Variants in VCP observed in about 807,000 individuals in gnomAD.
VCP encodes the protein valosin containing protein, also known as transitional endoplasmic reticulum ATPase.
A neutral mutation model predicts 85.7 loss-of-function variants in VCP; 6 were observed. That is an observed-to-expected ratio of 0.07 (90% confidence interval 0.04 to 0.14). The LOEUF (loss-of-function observed/expected upper bound fraction) is 0.14. Ranked by LOEUF, VCP falls within the 10% of genes least tolerant of loss-of-function variation. VCP has a pLI of 1.00. For missense variants in VCP, 353 were observed against 1,043.4 expected, an observed-to-expected ratio of 0.34 and a Z score of 9.12; for synonymous variants, 384 against 367.1, an observed-to-expected ratio of 1.05 and a Z score of -0.53.
At chr9:35,067,064 AG>A (rs1355209921) in intron 3 of VCP, among the ~76,000 whole-genome samples, 1 of 152,250 alleles carries the variant, frequency 6.6e-6, no homozygotes, top group Non-Finnish European at 1.5e-5. Flanking sequence ...CAGGGTCTTC[AG>A]GGAGATATCC....
chr9:35,060,193 G>A (rs1828694481), intron 13 of VCP, 120 bp downstream of exon 13: 1 of 1,052,428 alleles, frequency 9.5e-7, no homozygotes, highest in Admixed American at 2.1e-5. Context: ...AGAAAATCAA[G>A]TGACTTACTG....
intron 4 of VCP, among the ~76,000 whole-genome samples, chr9:35,066,135 AG>A (rs1476779098): frequency 3.9e-5 from 6 of 152,090 alleles, no homozygotes; most frequent in African/African-American, 9.6e-5. Flanking sequence ...CAAAAAAAAA[AG>A]AAAAGAAAAT....
chr9:35,059,873 C>A lies in VCP; in HGVS notation c.1696-72G>T. 1 of 1,599,932 alleles carries A rather than the reference C, an allele frequency of 6.3e-7. No individual in the cohort carries two copies. Among genetic ancestry groups the A allele is most frequent in the Non-Finnish European group, 8.6e-7 (1 of 1,169,128 alleles). On this transcript the variant is annotated intron_variant, in intron 13 of 16. Transcript: ENST00000358901. This position sits in a 1 kb window ranked among gnomAD's most constrained non-coding sequence, Gnocchi z 4.9. ...TCTAGGCAAACGTGGTGGCTCACAC[C>A]TGTATTCCCAGCACTTTGGGAGGCC...
chr9:35,062,145 G>A lies in VCP; in HGVS notation c.946-7C>T, dbSNP rs778663878. On this transcript the variant is annotated splice_polypyrimidine_tract_variant and splice_region_variant and intron_variant, in intron 8 of 16. Transcript: ENST00000358901. ...GCTCCACCTCGCCATGAGTCTGCCA[G>A]AACAGGATGTCTGGTCAGAAGTGAA... 1 of 1,614,030 alleles carries A rather than the reference G, an allele frequency of 6.2e-7. No homozygotes were observed. The highest frequency in any genetic ancestry group is 1.3e-5 in the African/African-American group (1 of 74,894).
At chr9:35,057,888 GA>G in intron 15 of VCP, 1 of 367,866 alleles carries the variant, frequency 2.7e-6, no homozygotes, top group South Asian at 2.3e-5. Flanking sequence ...ATGGTATATA[GA>G]AAGAGTGAAT....
Position 35,056,804 on chromosome 9 carries a change from C to T in VCP, c.*313G>A, listed in dbSNP as rs2131025617. 1 of 386,320 alleles carries T rather than the reference C, an allele frequency of 2.6e-6. No homozygotes were observed. The highest frequency in any genetic ancestry group is 6.2e-5 in the East Asian group (1 of 16,018). 23.9% of individuals were successfully genotyped at this position (386,320 alleles called of 1,614,324 possible). ...TTACTGTGGCAGGTGGCAGTAGTGC[C>T]TTGGTTCACACCCCACACAGGTCCC... On this transcript the variant is annotated 3_prime_UTR_variant, in exon 17 of 17. Transcript: ENST00000358901.
chr9:35,058,965 G>A, intron 15 of VCP, 99 bp downstream of exon 15: 1 of 1,527,650 alleles, frequency 6.5e-7, no homozygotes, highest in Non-Finnish European at 9.0e-7. Context: ...TCAGTTAGAT[G>A]ATCTTTCCAA....
At chr9:35,072,191 C>A (rs149858552) in intron 1 of VCP, 146 bp downstream of exon 1, 3 of 1,427,412 alleles carry the variant, frequency 2.1e-6, no homozygotes, top group Non-Finnish European at 2.8e-6. Flanking sequence ...GGGTCCACGG[C>A]CCCTCACTCG....
At chr9:35,069,671 C>T (rs750823797) in intron 1 of VCP, among the ~76,000 whole-genome samples, 1 of 152,070 alleles carries the variant, frequency 6.6e-6, no homozygotes, top group Admixed American at 6.5e-5. Context: ...AGGCTGGTCT[C>T]GAACTCCTGA....
At chr9:35,066,061 G>A (rs1250015941) in intron 4 of VCP, among the ~76,000 whole-genome samples, 2 of 151,926 alleles carry the variant, frequency 1.3e-5, no homozygotes, top group Non-Finnish European at 2.9e-5. Flanking sequence ...AGGAGGCGGA[G>A]GTTGCAGTGA....
At position 35,065,238 on chromosome 9, in the gene VCP, G is replaced by A; in HGVS notation, c.576+13C>T. On this transcript the variant is annotated intron_variant, in intron 5 of 16. Transcript: ENST00000358901. ...TCATAAAATCGGATACTGGAATCAG[G>A]GAGAAAACTCACCTCTCGTTTGATA... The A allele has an allele frequency of 6.2e-7, 1 of 1,614,090 alleles. No homozygotes were observed. The highest frequency in any genetic ancestry group is 1.7e-5 in the Admixed American group (1 of 60,016).
At chr9:35,058,976 C>A in intron 15 of VCP, 88 bp downstream of exon 15, 1 of 1,570,906 alleles carries the variant, frequency 6.4e-7, no homozygotes, top group South Asian at 1.1e-5. Flanking sequence ...ATCTTTCCAA[C>A]AGCTTCTACT....
intron 3 of VCP, 130 bp downstream of exon 3, chr9:35,067,761 C>A: frequency 8.1e-7 from 1 of 1,234,754 alleles, no homozygotes; most frequent in South Asian, 1.3e-5. Flanking sequence ...ATAAGTCTTC[C>A]CATGACCAGG....
At chr9:35,071,872 G>C (rs1828954479) in intron 1 of VCP, 1 of 995,276 alleles carries the variant, frequency 1.0e-6, no homozygotes, top group African/African-American at 1.7e-5. Flanking sequence ...CCTTCACATG[G>C]CGCAAAGTCC....
In VCP at chr9:35,060,749, A is replaced by G. The variant is rs562381; in HGVS notation, c.1482+52T>C. 1,211,727 of 1,613,246 alleles carry G rather than the reference A, an allele frequency of 0.75. 457,936 individuals are homozygous for G. The highest frequency in any genetic ancestry group is 0.82 in the Admixed American group (49,173 of 60,004). On this transcript the variant is annotated intron_variant, in intron 12 of 16. Coordinates refer to ENST00000358901, the MANE Select transcript of VCP (RefSeq NM_007126.5). ...GTGTTGACACCCTGAGATCACCCAG[A>G]TCAATTACAATGTACTGAGACAGTG...
intron 6 of VCP, among the ~76,000 whole-genome samples, chr9:35,063,477 T>C (rs1272804280): frequency 6.6e-6 from 1 of 152,162 alleles, no homozygotes; most frequent in Admixed American, 6.5e-5. Flanking sequence ...TGCCAGAGGA[T>C]CACTCACTCC....
At chr9:35,065,708 C>T (rs907936551) in intron 4 of VCP, among the ~76,000 whole-genome samples, 2 of 152,106 alleles carry the variant, frequency 1.3e-5, no homozygotes, top group Non-Finnish European at 2.9e-5. Context: ...TGGACCCTGA[C>T]CCAGCCAAAA....
intron 1 of VCP, chr9:35,072,104 C>G (rs1260187734): frequency 1.7e-5 from 23 of 1,347,952 alleles, no homozygotes; most frequent in Non-Finnish European, 2.2e-5. Flanking sequence ...CGATCCGGCC[C>G]AGGCTCCGAC....
intron 9 of VCP, 59 bp from the exon 10 acceptor site, chr9:35,061,748 G>C: frequency 6.7e-7 from 1 of 1,483,544 alleles, no homozygotes. Flanking sequence ...GTAAGAGACA[G>C]GCCTAGGGTG....
Sources: gnomAD v4.1 joint callset for allele counts (sites outside exome capture counted in the v4.1 genomes callset) on GRCh38, gnomAD v4.1.1 for gene constraint, Gnocchi (gnomAD v3.1) non-coding constraint, MANE v1.5 for transcripts, NCBI Gene and HGNC (gene_info 2026-07-23, HGNC 2026-07-21) for gene names.